ACSL5: variants seen among roughly 807,000 people sequenced by gnomAD.
The protein encoded by ACSL5 is acyl-CoA synthetase long chain family member 5.
A neutral mutation model predicts 84.9 loss-of-function variants in ACSL5; 50 were observed. That is an observed-to-expected ratio of 0.59 (90% CI 0.47 to 0.75). ACSL5 has a LOEUF of 0.75. ACSL5 is among the 30% of genes least tolerant of loss of function. The probability of loss-of-function intolerance (pLI) is 0.00; values close to 1 mark genes in which losing one functional copy is unlikely to be tolerated. For missense variants in ACSL5, 775 were observed against 830.4 expected (o/e 0.93, Z 0.82); for synonymous variants, 280 against 300.7 (o/e 0.93, Z 0.71).
Position 112,398,064 on chromosome 10 carries a change from T to A in ACSL5, c.157-837T>A, listed in dbSNP as rs74775434. On this transcript the variant is annotated intron_variant, in intron 2 of 20. Coordinates refer to ENST00000354655, the MANE Select transcript of ACSL5 (RefSeq NM_203379.2). The stretch of plus-strand genomic sequence containing the variant: ...TTCTTTTTTTTTTTTTTTTTTTTTT[T>A]TTTTTTTTTTTTTTTTTTTGAGACG... Among the ~76,000 whole-genome samples the A allele has an allele frequency of 2.7e-4, 2 of 7,464 alleles. 1 individual carries two copies. The highest frequency in any genetic ancestry group is 8.3e-4 in the African/African-American group (2 of 2,424). The allele number at this position is 7,464 out of a possible 152,430, so 4.9% of individuals were successfully genotyped here.
At chr10:112,385,144 A>G (rs569292190) in intron 1 of ACSL5, among the ~76,000 whole-genome samples, 1 of 152,218 alleles carries the variant, frequency 6.6e-6, no homozygotes, top group East Asian at 1.9e-4. Flanking sequence ...CGTGCCAGCC[A>G]TGGTTCTAAG....
At chr10:112,399,289 G>T (rs772818460) in intron 3 of ACSL5, among the ~76,000 whole-genome samples, 1 of 152,176 alleles carries the variant, frequency 6.6e-6, no homozygotes, top group Non-Finnish European at 1.5e-5. Flanking sequence ...AACACAAGAA[G>T]AACGTCCCTG....
intron 1 of ACSL5, chr10:112,394,629 CA>C (rs1843705639): frequency 1.4e-6 from 1 of 692,324 alleles, no homozygotes; most frequent in African/African-American, 1.9e-5. Context: ...AGTCATTTCT[CA>C]AAATTGTTTG....
chr10:112,428,344 A>G lies in ACSL5; in HGVS notation c.*986A>G. The G allele has an allele frequency of 2.5e-6, 1 of 398,142 alleles. No individual in the cohort carries two copies. The allele number at this position is 398,142 out of a possible 1,614,324, so 24.7% of individuals were successfully genotyped here. ...TAACACATGTTGTTTCTACTTGTAA[A>G]TGTAAAGTCTTTAAAATAAACTATT... On this transcript the variant is annotated 3_prime_UTR_variant, in exon 21 of 21. Transcript: ENST00000354655.
rs141858437 is a variant in ACSL5 at position 112,416,986 on chromosome 10, T to G, written c.1182T>G (p.Asp394Glu). ...TTCAAAAGGGTATCATCAGGCATGA[T>G]AGTTTCTGGGACAAGCTCATCTTTG... Reference protein sequence around the residue: ...KELQKGIIRHDSFWDKLIFAK... With the variant: ...KELQKGIIRHESFWDKLIFAK... Residue 394 changes from aspartate to glutamate, a missense_variant, in exon 13 of 21, where the codon GAT (aspartate) becomes GAG (glutamate). Asp to Glu is a conservative substitution (Grantham distance 45, BLOSUM62 2). Transcript: ENST00000354655. The G allele has an allele frequency of 6.2e-7, 1 of 1,613,930 alleles. No homozygotes were observed. Among genetic ancestry groups the G allele is most frequent in the Non-Finnish European group, 8.5e-7 (1 of 1,179,998 alleles).
intron 1 of ACSL5, among the ~76,000 whole-genome samples, chr10:112,379,196 G>A (rs534295819): frequency 6.6e-6 from 1 of 152,308 alleles, no homozygotes; most frequent in South Asian, 2.1e-4. Flanking sequence ...CTTGAAATCA[G>A]GAGTTTGAGA....
At chr10:112,380,529 C>G (rs929581405) in intron 1 of ACSL5, among the ~76,000 whole-genome samples, 4 of 151,880 alleles carry the variant, frequency 2.6e-5, no homozygotes, top group Admixed American at 2.6e-4. Context: ...CACCATTTCC[C>G]TCCCCTAAAT....
At chr10:112,412,295 T>C (rs1157969587) in intron 11 of ACSL5, 2 of 272,238 alleles carry the variant, frequency 7.3e-6, no homozygotes, top group East Asian at 1.4e-4. Flanking sequence ...CAAGACATTG[T>C]CTTCTTTTTA....
intron 1 of ACSL5, among the ~76,000 whole-genome samples, chr10:112,378,652 C>T (rs1849290304): frequency 6.6e-6 from 1 of 152,144 alleles, no homozygotes; most frequent in Non-Finnish European, 1.5e-5. Context: ...GGAGTGCAGT[C>T]AGAGGTGACT....
rs573644087 is a variant in ACSL5 at position 112,400,406 on chromosome 10, CTTTTTTTTT to C, written c.265+1410_265+1418del. On this transcript the variant is annotated intron_variant, in intron 3 of 20. Coordinates refer to ENST00000354655, the MANE Select transcript of ACSL5 (RefSeq NM_203379.2). Reference sequence around the variant, plus strand: ...AATTTTTTTTTCCTTTTTTTCTTTTCTTTTTTTTTTTTTTTTTTTTTGAGATGGAGTCTC... The same window carrying C: ...AATTTTTTTTTCCTTTTTTTCTTTTCTTTTTTTTTTTTGAGATGGAGTCTC... Among the ~76,000 whole-genome samples, 904 of 98,860 alleles carry C rather than the reference CTTTTTTTTT, an allele frequency of 9.1e-3. 12 individuals carry two copies. Among genetic ancestry groups the C allele is most frequent in the African/African-American group, 0.034 (858 of 25,270 alleles). 64.9% of individuals were successfully genotyped at this position (98,860 alleles called of 152,430 possible).
intron 12 of ACSL5, among the ~76,000 whole-genome samples, chr10:112,413,856 G>A (rs1281485899): frequency 6.6e-6 from 1 of 152,226 alleles, no homozygotes; most frequent in African/African-American, 2.4e-5. Context: ...TCAGGGTTCA[G>A]CAGACATCTT....
intron 3 of ACSL5, among the ~76,000 whole-genome samples, chr10:112,401,786 C>CTT (rs1554862684): frequency 3.4e-4 from 41 of 119,392 alleles, no homozygotes; most frequent in African/African-American, 1.3e-3. Context: ...TTCTTTCTTT[C>CTT]TCTTTCTTTC....
Position 112,404,807 on chromosome 10 carries a change from G to A in ACSL5, c.432+1G>A. 1 of 1,608,992 alleles carries A rather than the reference G, an allele frequency of 6.2e-7. No homozygotes were observed. Among genetic ancestry groups the A allele is most frequent in the Non-Finnish European group, 8.5e-7 (1 of 1,176,582 alleles). ...CATCTTTGCTCAGAATAGGCCAGAG[G>A]TAACTATGTTGAAGTTAACTAAAGG... On this transcript the variant is annotated splice_donor_variant, in intron 5 of 20. Transcript: ENST00000354655. LOFTEE classifies it high-confidence loss of function.
intron 5 of ACSL5, among the ~76,000 whole-genome samples, chr10:112,407,445 A>G (rs1307879073): frequency 1.3e-5 from 2 of 152,052 alleles, no homozygotes; most frequent in African/African-American, 4.8e-5. Context: ...GATGGTCTCA[A>G]TCTCTTGACC....
chr10:112,397,867 A>G (rs1843781720), intron 2 of ACSL5, among the ~76,000 whole-genome samples: 2 of 152,212 alleles, frequency 1.3e-5, no homozygotes, highest in Admixed American at 6.5e-5. Flanking sequence ...CAGTATGTAC[A>G]GAGTACCTAG....
intron 1 of ACSL5, among the ~76,000 whole-genome samples, chr10:112,384,561 G>A (rs376018330): frequency 1.2e-3 from 177 of 152,198 alleles, no homozygotes; most frequent in African/African-American, 3.9e-3. Context: ...TGGCTGGAGC[G>A]CAGTAGCACA....
intron 12 of ACSL5, among the ~76,000 whole-genome samples, chr10:112,414,189 G>A (rs1844258926): frequency 6.6e-6 from 1 of 152,026 alleles, no homozygotes; most frequent in South Asian, 2.1e-4. Flanking sequence ...TTCATTAGCT[G>A]AGATTCTTCC....
chr10:112,399,338 A>G (rs1032638787), intron 3 of ACSL5, among the ~76,000 whole-genome samples: 1 of 152,230 alleles, frequency 6.6e-6, no homozygotes, highest in African/African-American at 2.4e-5. Context: ...ATAATAATAT[A>G]GGACAGTATC....
At chr10:112,403,675 G>A (rs1381448856) in intron 3 of ACSL5, among the ~76,000 whole-genome samples, 1 of 152,222 alleles carries the variant, frequency 6.6e-6, no homozygotes, top group Non-Finnish European at 1.5e-5. Flanking sequence ...TGTCACATCT[G>A]CTCCAGTAAG....
Sources: allele counts gnomAD v4.1 joint callset (sites outside exome capture counted in the v4.1 genomes callset), GRCh38; gene constraint gnomAD v4.1.1; transcripts MANE v1.5; gene names NCBI Gene and HGNC (gene_info 2026-07-23, HGNC 2026-07-21).